Variants in RMST observed in about 807,000 individuals in gnomAD.
RMST encodes long intergenic non-protein coding RNA 54.
At chr12:97,512,988 G>A (rs1024459282) in intron 10 of RMST, among the ~76,000 whole-genome samples, 1 of 152,228 alleles carries the variant, frequency 6.6e-6, no homozygotes, top group Non-Finnish European at 1.5e-5. Context: ...TAGCCCAGGT[G>A]CTAAGCCCCT....
chr12:97,499,820 T>C (rs965099991), intron 10 of RMST, among the ~76,000 whole-genome samples: 4 of 152,074 alleles, frequency 2.6e-5, no homozygotes, highest in Admixed American at 6.5e-5. Context: ...CCACCACTCC[T>C]GGATAATTTT....
intron 11 of RMST, among the ~76,000 whole-genome samples, chr12:97,546,165 A>T (rs1054183919): frequency 2.6e-5 from 4 of 152,046 alleles, no homozygotes; most frequent in African/African-American, 9.7e-5. Flanking sequence ...ATTATCCTTG[A>T]AGGGCTTTTA....
At chr12:97,470,157 C>T (rs1873730932) in intron 5 of RMST, among the ~76,000 whole-genome samples, 1 of 152,102 alleles carries the variant, frequency 6.6e-6, no homozygotes, top group Non-Finnish European at 1.5e-5. Context: ...GAAATTAAAT[C>T]CCCAAGTTCT....
intron 5 of RMST, among the ~76,000 whole-genome samples, chr12:97,471,008 T>C (rs1043507209): frequency 6.6e-5 from 10 of 152,226 alleles, no homozygotes; most frequent in African/African-American, 1.9e-4. Flanking sequence ...TTTTGCTTGA[T>C]TATATGCAAA....
chr12:97,509,108 G>A (rs974752414), intron 10 of RMST, among the ~76,000 whole-genome samples: 4 of 152,104 alleles, frequency 2.6e-5, no homozygotes, highest in South Asian at 2.1e-4. Context: ...CCAGGAGACC[G>A]TTGTTACTTT....
chr12:97,544,939 A>G (rs1039675598), intron 11 of RMST, among the ~76,000 whole-genome samples: 12 of 152,136 alleles, frequency 7.9e-5, no homozygotes, highest in African/African-American at 2.9e-4. Context: ...TACTAAGTAC[A>G]GGGTAAAAAA....
At chr12:97,544,170 T>C (rs1157071033) in intron 11 of RMST, among the ~76,000 whole-genome samples, 3 of 152,088 alleles carry the variant, frequency 2.0e-5, no homozygotes, top group African/African-American at 4.8e-5. Context: ...GCCCAAAGCA[T>C]ATTGTCAAAC....
chr12:97,489,690 A>C (rs1201915551), intron 5 of RMST, among the ~76,000 whole-genome samples: 2 of 152,244 alleles, frequency 1.3e-5, no homozygotes, highest in African/African-American at 4.8e-5. Context: ...ATACTTTCAC[A>C]CTACAATGAC....
chr12:97,532,568 T>C (rs1881732738), intron 11 of RMST: 1 of 151,622 alleles, frequency 6.6e-6, no homozygotes, highest in Non-Finnish European at 1.5e-5. Flanking sequence ...GATTTGGTAT[T>C]GTCAGAACTC....
chr12:97,479,283 G>T (rs1361930968), intron 5 of RMST, among the ~76,000 whole-genome samples: 1 of 151,578 alleles, frequency 6.6e-6, no homozygotes, highest in Non-Finnish European at 1.5e-5. Context: ...AGGACTACAG[G>T]TGCACACACC....
chr12:97,478,629 A>G (rs11109055), intron 5 of RMST, among the ~76,000 whole-genome samples: 18,909 of 152,206 alleles, frequency 0.12, 1,473 homozygotes, highest in Non-Finnish European at 0.17. Context: ...ATCAGGTATC[A>G]GTTTGGATGT....
At chr12:97,554,636 A>T (rs2136658388) in intron 11 of RMST, among the ~76,000 whole-genome samples, 1 of 152,318 alleles carries the variant, frequency 6.6e-6, no homozygotes, top group South Asian at 2.1e-4. Context: ...GTGAGATAGA[A>T]ATAAAAAGTC....
At chr12:97,495,488 T>C (rs146908195) in intron 9 of RMST, among the ~76,000 whole-genome samples, 2 of 152,312 alleles carry the variant, frequency 1.3e-5, no homozygotes, top group African/African-American at 2.4e-5. Flanking sequence ...TAGCCTTCTA[T>C]GTATGCTATA....
intron 5 of RMST, among the ~76,000 whole-genome samples, chr12:97,475,334 CTA>C (rs1425190995): frequency 6.6e-6 from 1 of 152,134 alleles, no homozygotes; most frequent in Non-Finnish European, 1.5e-5. Context: ...ACACAGGCAT[CTA>C]TGTCTGATGG....
chr12:97,516,511 A>C (rs561010607), intron 10 of RMST, among the ~76,000 whole-genome samples: 18 of 152,058 alleles, frequency 1.2e-4, no homozygotes, highest in Non-Finnish European at 2.7e-4. Flanking sequence ...TGTACATTGA[A>C]TATATCTTTA....
At chr12:97,472,421 C>T (rs1478908154) in intron 5 of RMST, among the ~76,000 whole-genome samples, 2 of 152,016 alleles carry the variant, frequency 1.3e-5, no homozygotes, top group African/African-American at 2.4e-5. Context: ...GCCTTAAAGA[C>T]TCAGATCCAT....
At chr12:97,485,726 T>C (rs1876015684) in intron 5 of RMST, among the ~76,000 whole-genome samples, 1 of 152,236 alleles carries the variant, frequency 6.6e-6, no homozygotes. Context: ...ACATAGCTAA[T>C]AAGTGGCAAA....
chr12:97,495,255 T>C (rs530973610), intron 9 of RMST, among the ~76,000 whole-genome samples: 65 of 152,172 alleles, frequency 4.3e-4, no homozygotes, highest in African/African-American at 1.5e-3. Flanking sequence ...AATTCTTAAA[T>C]GTGCACAAAC....
At chr12:97,494,847 G>A (rs959896278) in exon 9 of RMST, 1 of 152,004 alleles carries the variant, frequency 6.6e-6, no homozygotes, top group Non-Finnish European at 1.5e-5. Context: ...AAATCACAGG[G>A]AAAATGCAAC....
Sources: allele counts gnomAD v4.1 joint callset (sites outside exome capture counted in the v4.1 genomes callset), GRCh38; gene constraint gnomAD v4.1.1; transcripts MANE v1.5; gene names NCBI Gene and HGNC (gene_info 2026-07-23, HGNC 2026-07-21).